RYR2: variants seen among roughly 807,000 people sequenced by gnomAD.
RYR2 encodes cardiac muscle ryanodine receptor-calcium release channel.
RYR2 carries 227 observed loss-of-function variants against 601.1 expected under a neutral mutation model. The ratio of observed to expected loss-of-function variants is 0.38; its 90% confidence interval spans 0.34 to 0.42. The LOEUF (loss-of-function observed/expected upper bound fraction) is 0.42, where lower values mean the gene tolerates loss of function less well. Ranked by LOEUF, RYR2 falls within the 10% of genes least tolerant of loss-of-function variation. RYR2 has a pLI of 1.00. For synonymous variants in RYR2, 2,223 were observed against 2,175.1 expected, an observed-to-expected ratio of 1.02 and a Z score of -0.61; for missense variants, 4,646 against 6,156.5, an observed-to-expected ratio of 0.75 and a Z score of 8.21.
At chr1:237,525,929 G>A (rs561365323) in intron 24 of RYR2, among the ~76,000 whole-genome samples, 19 of 151,724 alleles carry the variant, frequency 1.3e-4, no homozygotes, top group Non-Finnish European at 2.1e-4. Context: ...GCAGTGAGCC[G>A]AGATTGCACC....
intron 66 of RYR2, among the ~76,000 whole-genome samples, chr1:237,702,326 G>A (rs1688035596): frequency 6.6e-6 from 1 of 152,170 alleles, no homozygotes; most frequent in African/African-American, 2.4e-5. Flanking sequence ...TGAGTCTTAT[G>A]AAAGCACCTG....
At chr1:237,099,972 T>C (rs575994136) in intron 1 of RYR2, among the ~76,000 whole-genome samples, 74 of 152,328 alleles carry the variant, frequency 4.9e-4, no homozygotes, top group African/African-American at 1.7e-3. Context: ...CAGCCGTGCC[T>C]TCCAGCTGCA....
chr1:237,609,935 GT>G (rs35008637), intron 35 of RYR2, among the ~76,000 whole-genome samples: 26,755 of 152,082 alleles, frequency 0.18, 4,363 homozygotes, highest in African/African-American at 0.43. Context: ...CCAGTACTTG[GT>G]TTTTCCCCGC....
chr1:237,462,482 C>T (rs193055669), intron 16 of RYR2, among the ~76,000 whole-genome samples: 32 of 152,230 alleles, frequency 2.1e-4, no homozygotes, highest in Middle Eastern at 6.8e-3. Flanking sequence ...GACATCCACA[C>T]GATTAATCTG....
chr1:237,395,533 CTTTTTTTTTTTTTTTTTTTTTTTT>C (rs71180022), intron 10 of RYR2, among the ~76,000 whole-genome samples: 1 of 87,426 alleles, frequency 1.1e-5, no homozygotes, highest in Non-Finnish European at 2.1e-5. Context: ...GTAGGACTGT[CTTTTTTTTTTTTTTTTTTTTTTTT>C]TTTTTTTGAG....
intron 2 of RYR2, among the ~76,000 whole-genome samples, chr1:237,314,695 CT>C: frequency 6.6e-6 from 1 of 152,308 alleles, no homozygotes; most frequent in Middle Eastern, 3.4e-3. Flanking sequence ...GAGATGAAGG[CT>C]TTCCTGAAGT....
intron 8 of RYR2, among the ~76,000 whole-genome samples, chr1:237,379,318 C>G (rs1457338511): frequency 6.6e-6 from 1 of 152,130 alleles, no homozygotes; most frequent in Non-Finnish European, 1.5e-5. Context: ...AAATTCAGAC[C>G]TCACAGGGCC....
At chr1:237,501,950 G>C in intron 21 of RYR2, among the ~76,000 whole-genome samples, 1 of 152,132 alleles carries the variant, frequency 6.6e-6, no homozygotes, top group Non-Finnish European at 1.5e-5. Flanking sequence ...TGACCAGCCT[G>C]GTCAACACAG....
intron 5 of RYR2, among the ~76,000 whole-genome samples, chr1:237,364,864 C>A (rs758757548): frequency 2.0e-5 from 3 of 152,116 alleles, no homozygotes; most frequent in Non-Finnish European, 4.4e-5. Context: ...TTAGGGGAGG[C>A]ACCAAGAAAC....
rs537581051 is a variant in RYR2, at chr1:237,171,108, C to T, written c.49-99389C>T. Among the ~76,000 whole-genome samples the T allele has an allele frequency of 1.1e-4, 16 of 152,016 alleles. No individual in the cohort carries two copies. In the East Asian group the frequency reaches 3.1e-3, roughly 29 times the overall value. Reference sequence around the variant, plus strand: ...AATTAGTTGGGTGTGGTGGTGGGCACCTGTAGTGCCAGCTACTCGGGAGGC... The same window carrying T: ...AATTAGTTGGGTGTGGTGGTGGGCATCTGTAGTGCCAGCTACTCGGGAGGC... On this transcript the variant is annotated intron_variant, in intron 1 of 104. Transcript: ENST00000366574.
rs1432937846 is a variant in RYR2, at chr1:237,680,534, T to C, written c.8974T>C (p.Ser2992Pro). ...FLSAASRPLC[S>P]GGHASNKEKE... Reference sequence around the variant, plus strand: ...ATCTGCAGCAAGCAGACCTCTCTGCTCTGGAGGACATGCTTCCAACAAAGA... The same window carrying C: ...ATCTGCAGCAAGCAGACCTCTCTGCCCTGGAGGACATGCTTCCAACAAAGA... The change falls in exon 62 of 105, where the codon TCT (serine) becomes CCT (proline). Residue 2992 changes from serine to proline, a missense_variant. Physicochemically the swap from Ser to Pro is moderately conservative, Grantham distance 74. This residue lies in a region of RYR2 where 1,497 missense variants were observed against 1,842.6 expected (regional missense o/e 0.81). Transcript: ENST00000366574. The C allele has an allele frequency of 4.4e-6, 7 of 1,607,294 alleles. No individual in the cohort carries two copies. Among genetic ancestry groups the C allele is most frequent in the South Asian group, 2.2e-5 (2 of 90,298 alleles).
intron 67 of RYR2, among the ~76,000 whole-genome samples, chr1:237,705,776 G>T (rs1688319646): frequency 6.6e-6 from 1 of 152,172 alleles, no homozygotes; most frequent in African/African-American, 2.4e-5. Context: ...TTTAAATTTA[G>T]ATCCATCGTG....
intron 36 of RYR2, 103 bp from the exon 37 acceptor site, chr1:237,613,936 C>A (rs1424445573): frequency 9.0e-7 from 1 of 1,105,332 alleles, no homozygotes; most frequent in Non-Finnish European, 1.3e-6. Flanking sequence ...ATTCCCATAA[C>A]TTTTTTCCTT....
At chr1:237,177,270 A>C (rs1678160627) in intron 1 of RYR2, among the ~76,000 whole-genome samples, 1 of 152,210 alleles carries the variant, frequency 6.6e-6, no homozygotes, top group African/African-American at 2.4e-5. Context: ...AACTTTTTTT[A>C]ATTGTTAAAC....
At chr1:237,139,362 G>A (rs1673137153) in intron 1 of RYR2, among the ~76,000 whole-genome samples, 1 of 152,204 alleles carries the variant, frequency 6.6e-6, no homozygotes, top group Non-Finnish European at 1.5e-5. Context: ...ATGAGTGGCT[G>A]TCAGGGGCTA....
intron 1 of RYR2, among the ~76,000 whole-genome samples, chr1:237,072,803 C>A (rs1664532316): frequency 6.6e-6 from 1 of 151,938 alleles, no homozygotes; most frequent in Non-Finnish European, 1.5e-5. Context: ...AAAAAATTAC[C>A]CAGGCGTGGT....
intron 24 of RYR2, among the ~76,000 whole-genome samples, chr1:237,512,036 T>TA (rs1344756873): frequency 6.6e-6 from 1 of 152,124 alleles, no homozygotes; most frequent in East Asian, 1.9e-4. Flanking sequence ...TACAGGTGTA[T>TA]ATGGGTATTA....
chr1:237,565,997 G>A (rs1019458697), intron 27 of RYR2, among the ~76,000 whole-genome samples: 2 of 152,142 alleles, frequency 1.3e-5, no homozygotes, highest in African/African-American at 2.4e-5. Context: ...GAAGATGTAT[G>A]CGAGAATGGA....
At chr1:237,283,214 C>G (rs1191102758) in intron 2 of RYR2, among the ~76,000 whole-genome samples, 4 of 152,166 alleles carry the variant, frequency 2.6e-5, no homozygotes, top group African/African-American at 9.7e-5. Context: ...CAATGCATCT[C>G]CCTCCTTTAT....
Sources: gnomAD v4.1 joint callset for allele counts (sites outside exome capture counted in the v4.1 genomes callset) on GRCh38, gnomAD v4.1.1 for gene constraint, gnomAD v4.1.1 regional missense constraint, MANE v1.5 for transcripts, NCBI Gene and HGNC (gene_info 2026-07-23, HGNC 2026-07-21) for gene names.